ITGAE: variants seen among roughly 807,000 people sequenced by gnomAD.
The protein encoded by ITGAE is integrin subunit alpha E.
Under a neutral mutation model 136.5 loss-of-function variants are expected in ITGAE, and 99 were observed. The observed-to-expected ratio is 0.73, with a 90% CI of 0.62 to 0.86. The LOEUF (loss-of-function observed/expected upper bound fraction) is 0.86, where lower values mean the gene tolerates loss of function less well. Ranked by LOEUF, ITGAE falls within the 40% of genes least tolerant of loss-of-function variation. The pLI is 0.00. For synonymous variants in ITGAE, 613 were observed against 591.8 expected, an observed-to-expected ratio of 1.04 and a Z score of -0.52; for missense variants, 1,447 against 1,515.3, an observed-to-expected ratio of 0.95 and a Z score of 0.75.
At chr17:3,796,356 C>G (rs1214598611) in intron 1 of ITGAE, among the ~76,000 whole-genome samples, 1 of 152,112 alleles carries the variant, frequency 6.6e-6, no homozygotes, top group Non-Finnish European at 1.5e-5. Context: ...TGTTGCATTT[C>G]CCACCAGGAC....
At chr17:3,752,350 C>T (rs954665520) in intron 14 of ITGAE, among the ~76,000 whole-genome samples, 2 of 152,214 alleles carry the variant, frequency 1.3e-5, no homozygotes, top group African/African-American at 2.4e-5. Context: ...TGAGGCTCGC[C>T]GAGCCCCAGC....
In ITGAE at chr17:3,725,218, G is replaced by A. The variant is rs777192115; in HGVS notation, c.3085-1474C>T. ...TGTTCAAACCGGCCTGTCATGAACA[G>A]AACAAGTGGTGCTCCGTCCTCTTGG... On this transcript the variant is annotated intron_variant, in intron 26 of 30. Coordinates refer to ENST00000263087, the MANE Select transcript of ITGAE (RefSeq NM_002208.5). 1.4e-5 allele frequency: 22 copies of A among 1,614,190 alleles called. No individual in the cohort carries two copies. In the East Asian group the frequency reaches 4.7e-4, roughly 34 times the overall value.
chr17:3,739,919 C>T, intron 19 of ITGAE, 41 bp from the exon 20 acceptor site: 3 of 1,536,942 alleles, frequency 2.0e-6, no homozygotes, highest in African/African-American at 1.4e-5. Flanking sequence ...CAGGCTCCGC[C>T]TTCCCCAGCA....
At chr17:3,789,916 T>C (rs1407988569) in intron 1 of ITGAE, among the ~76,000 whole-genome samples, 1 of 152,188 alleles carries the variant, frequency 6.6e-6, no homozygotes, top group African/African-American at 2.4e-5. Context: ...CCAAACTATT[T>C]TGTGAGCCCT....
intron 20 of ITGAE, among the ~76,000 whole-genome samples, chr17:3,736,970 C>G (rs889101215): frequency 6.6e-6 from 1 of 151,906 alleles, no homozygotes; most frequent in Non-Finnish European, 1.5e-5. Flanking sequence ...TGTCTCCACC[C>G]GAGAGATGAT....
intron 19 of ITGAE, among the ~76,000 whole-genome samples, chr17:3,740,425 G>A (rs1242469721): frequency 6.6e-6 from 1 of 152,202 alleles, no homozygotes; most frequent in Middle Eastern, 3.2e-3. Context: ...CATCCAGGCT[G>A]GAGTGCAATG....
At chr17:3,762,322 G>C (rs551453107) in intron 3 of ITGAE, among the ~76,000 whole-genome samples, 109 of 152,276 alleles carry the variant, frequency 7.2e-4, no homozygotes, top group Non-Finnish European at 1.2e-3. Context: ...GGTGGGTGGA[G>C]AAGCACTGCC....
intron 1 of ITGAE, among the ~76,000 whole-genome samples, chr17:3,793,611 G>GT (rs1412118545): frequency 6.6e-6 from 1 of 152,204 alleles, no homozygotes; most frequent in Non-Finnish European, 1.5e-5. Context: ...TATGTAGGCT[G>GT]TAAGTGGCCA....
At chr17:3,741,149 C>T (rs1297591919) in intron 19 of ITGAE, among the ~76,000 whole-genome samples, 9 of 146,766 alleles carry the variant, frequency 6.1e-5, no homozygotes, top group Admixed American at 5.6e-4. Context: ...GCAATCTCCG[C>T]TCACTGCAAG....
At chr17:3,766,575 G>A (rs976409096) in intron 2 of ITGAE, among the ~76,000 whole-genome samples, 1 of 152,110 alleles carries the variant, frequency 6.6e-6, no homozygotes, top group Non-Finnish European at 1.5e-5. Flanking sequence ...GCCGAGGCAG[G>A]CGGATCACCT....
intron 1 of ITGAE, among the ~76,000 whole-genome samples, chr17:3,785,295 C>A (rs1250818108): frequency 6.6e-6 from 1 of 151,982 alleles, no homozygotes; most frequent in Non-Finnish European, 1.5e-5. Flanking sequence ...ATGGTGAAGC[C>A]CCATCTCTAC....
rs1397455318 is a variant in ITGAE, at chr17:3,753,318, C to G, written c.1640G>C (p.Arg547Thr). The change falls in exon 14 of 31, where the codon AGA becomes ACA. Residue 547 changes from arginine (R) to threonine (T), a missense_variant. Arg to Thr is a moderately conservative substitution (Grantham distance 71). Coordinates refer to ENST00000263087, the MANE Select transcript of ITGAE (RefSeq NM_002208.5). ...PFYHVHGEEGRVYVYRLSEQD... is the reference protein window; with the variant it reads ...PFYHVHGEEGTVYVYRLSEQD... ...CTCGCTGAGACGGTACACGTAGACT[C>G]TGCCTTCTTCTCCATGAACGTGGTA... 6.2e-7 allele frequency: 1 copy of G among 1,614,210 alleles called. No individual in the cohort carries two copies. Among genetic ancestry groups the G allele is most frequent in the South Asian group, 1.1e-5 (1 of 91,076 alleles).
intron 1 of ITGAE, among the ~76,000 whole-genome samples, chr17:3,780,301 G>C (rs770318358): frequency 5.9e-5 from 9 of 151,864 alleles, no homozygotes; most frequent in South Asian, 2.1e-4. Flanking sequence ...CTCCTGAGTA[G>C]CTGTGACTAC....
At chr17:3,754,137 C>T (rs111361123) in intron 12 of ITGAE, among the ~76,000 whole-genome samples, 1 of 152,232 alleles carries the variant, frequency 6.6e-6, no homozygotes, top group Admixed American at 6.5e-5. Flanking sequence ...ATATGATGCA[C>T]ACGCTGTCTG....
chr17:3,786,660 G>C (rs997789636), intron 1 of ITGAE, among the ~76,000 whole-genome samples: 3 of 152,136 alleles, frequency 2.0e-5, no homozygotes, highest in Non-Finnish European at 4.4e-5. Flanking sequence ...GGGAGGCCAA[G>C]GCCAGCGGAT....
chr17:3,761,963 C>T lies in ITGAE; in HGVS notation c.267G>A (p.Lys89=). The T allele has an allele frequency of 6.2e-7, 1 of 1,613,938 alleles. No individual in the cohort carries two copies. The highest frequency in any genetic ancestry group is 8.5e-7 in the Non-Finnish European group (1 of 1,179,978). The change falls in exon 4 of 31, where the codon AAG becomes AAA. Residue 89 remains lysine, a synonymous_variant. Transcript: ENST00000263087. ...CAACGGTCACTCCCCGGTGCCTCCC[C>T]TTGGGGATGGGGACATGCTCTGAAA... The part of the protein sequence containing the change: ...CHPVEHVPIP[K]GRHRGVTVVR...
At chr17:3,780,606 T>C (rs994763321) in intron 1 of ITGAE, among the ~76,000 whole-genome samples, 21 of 151,952 alleles carry the variant, frequency 1.4e-4, no homozygotes, top group Non-Finnish European at 2.9e-4. Context: ...CCAATTTTTG[T>C]ATTTTCAGTA....
At position 3,798,346 on chromosome 17, in the gene ITGAE, C is replaced by A. The variant is rs565724323; in HGVS notation, c.34+2765G>T. Reference sequence around the variant, plus strand: ...CGCACCTCCAGGGCCCAGCATGTCCCGATTTGGGGCGGGGCTGGAAGGGAA... The same window carrying A: ...CGCACCTCCAGGGCCCAGCATGTCCAGATTTGGGGCGGGGCTGGAAGGGAA... On this transcript the variant is annotated intron_variant, in intron 1 of 30. Coordinates refer to ENST00000263087, the MANE Select transcript of ITGAE (RefSeq NM_002208.5). The surrounding 1 kb of genome is among the most constrained non-coding windows in gnomAD (Gnocchi z 4.3). 2.0e-5 allele frequency among the ~76,000 whole-genome samples: 3 copies of A among 152,148 alleles called. No homozygotes were observed. The highest frequency in any genetic ancestry group is 2.9e-5 in the Non-Finnish European group (2 of 68,018).
At chr17:3,716,902 C>G (rs778065461) in intron 29 of ITGAE, 104 bp from the exon 30 acceptor site, 5 of 666,680 alleles carry the variant, frequency 7.5e-6, no homozygotes, top group African/African-American at 1.8e-5. Flanking sequence ...GGCAACAACC[C>G]GTGTATTGAT....
Sources: allele counts gnomAD v4.1 joint callset (sites outside exome capture counted in the v4.1 genomes callset), GRCh38; gene constraint gnomAD v4.1.1; non-coding constraint Gnocchi (gnomAD v3.1); transcripts MANE v1.5; gene names NCBI Gene and HGNC (gene_info 2026-07-23, HGNC 2026-07-21).